CSMD2: variants seen among roughly 807,000 people sequenced by gnomAD.
CSMD2 encodes the protein CUB and sushi domain-containing protein 2.
A neutral mutation model predicts 398.5 loss-of-function variants in CSMD2; 130 were observed. The observed-to-expected ratio is 0.33, with a 90% CI of 0.28 to 0.38. The LOEUF is 0.38. Among genes scored for constraint, CSMD2 ranks in the 10% least tolerant of loss-of-function variants. The pLI, the probability that CSMD2 is intolerant of heterozygous loss-of-function variation, is 1.00. For synonymous variants in CSMD2, 1,828 were observed against 1,908.5 expected (o/e 0.96, Z 1.10); for missense variants, 3,829 against 4,764.9 (o/e 0.80, Z 5.78).
intron 44 of CSMD2, among the ~76,000 whole-genome samples, chr1:33,594,581 T>C (rs1039248120): frequency 6.6e-5 from 10 of 152,182 alleles, no homozygotes; most frequent in African/African-American, 2.4e-4. Flanking sequence ...ATCATTTCCA[T>C]TTGGTTCCTT....
At chr1:33,532,961 T>A in intron 64 of CSMD2, 89 bp downstream of exon 64, 2 of 1,236,638 alleles carry the variant, frequency 1.6e-6, no homozygotes, top group African/African-American at 1.5e-5. Flanking sequence ...ACGCAATTCC[T>A]TCCTTCTCTT....
intron 53 of CSMD2, among the ~76,000 whole-genome samples, chr1:33,563,737 G>A (rs1043232097): frequency 3.7e-4 from 56 of 152,188 alleles, no homozygotes; most frequent in African/African-American, 1.3e-3. Flanking sequence ...TGCTGAGAAC[G>A]TAGGTAGGGG....
At chr1:33,797,590 C>A (rs974054367) in intron 10 of CSMD2, among the ~76,000 whole-genome samples, 4 of 152,314 alleles carry the variant, frequency 2.6e-5, no homozygotes, top group East Asian at 1.9e-4. Context: ...GATGTTCCAA[C>A]AAGGTCACAG....
In CSMD2 at chr1:33,633,565, G is replaced by A; in HGVS notation, c.5087-30C>T. ...GGAGGAGACACAGTGTGGGGACTGGGCAGGCACGCTGGGGGCAGGAGAGGG... is the reference window on the plus strand; with the variant it reads ...GGAGGAGACACAGTGTGGGGACTGGACAGGCACGCTGGGGGCAGGAGAGGG... On this transcript the variant is annotated intron_variant, in intron 31 of 70. Coordinates refer to ENST00000373381, the MANE Select transcript of CSMD2 (RefSeq NM_001281956.2). This position sits in a 1 kb window ranked among gnomAD's most constrained non-coding sequence, Gnocchi z 5.0. The A allele has an allele frequency of 6.6e-7, 1 of 1,505,918 alleles. No individual in the cohort carries two copies. Among genetic ancestry groups the A allele is most frequent in the Non-Finnish European group, 9.0e-7 (1 of 1,105,462 alleles). 93.3% of individuals were successfully genotyped at this position (1,505,918 alleles called of 1,614,324 possible). A position where few individuals can be genotyped will look rare whatever the true frequency, so the allele number is the denominator to read the frequency against.
chr1:33,577,669 G>A (rs940242657), intron 48 of CSMD2, among the ~76,000 whole-genome samples, 185 bp from the exon 49 acceptor site: 3 of 151,936 alleles, frequency 2.0e-5, no homozygotes, highest in Non-Finnish European at 4.4e-5. Flanking sequence ...TGGTAAAGCC[G>A]AAACAAAACA....
intron 31 of CSMD2, among the ~76,000 whole-genome samples, chr1:33,634,583 C>T (rs1642681517): frequency 6.6e-6 from 1 of 152,218 alleles, no homozygotes; most frequent in African/African-American, 2.4e-5. Context: ...TCCTGAATGC[C>T]TCCAAGGCTG....
At chr1:33,634,858 G>A (rs1417661275) in intron 31 of CSMD2, among the ~76,000 whole-genome samples, 4 of 151,980 alleles carry the variant, frequency 2.6e-5, no homozygotes, top group African/African-American at 9.7e-5. Context: ...CTGCTCCTTG[G>A]CCACTCACCC....
intron 25 of CSMD2, among the ~76,000 whole-genome samples, chr1:33,678,916 C>T (rs542489823): frequency 5.7e-4 from 87 of 152,312 alleles, no homozygotes; most frequent in African/African-American, 2.0e-3. Context: ...TCACTGAAAA[C>T]GTTGCAGAAT....
At chr1:33,712,656 A>C (rs944590560) in intron 21 of CSMD2, among the ~76,000 whole-genome samples, 1 of 152,280 alleles carries the variant, frequency 6.6e-6, no homozygotes, top group Admixed American at 6.5e-5. Flanking sequence ...TCAATGAGGC[A>C]AGAGCTTAAG....
intron 1 of CSMD2, among the ~76,000 whole-genome samples, chr1:34,159,330 C>G (rs933583423): frequency 3.1e-4 from 18 of 57,626 alleles, no homozygotes; most frequent in South Asian, 1.3e-3. Flanking sequence ...TACAGCCTGC[C>G]CCCCCCCCAC....
chr1:33,571,215 T>C (rs1659564875), intron 51 of CSMD2, among the ~76,000 whole-genome samples: 1 of 152,172 alleles, frequency 6.6e-6, no homozygotes, highest in Non-Finnish European at 1.5e-5. Context: ...GGAACCAAAA[T>C]CTTTTATCTT....
At position 34,131,727 on chromosome 1, in the gene CSMD2, C is replaced by A. The variant is rs571415957; in HGVS notation, c.187+33184G>T. Among the ~76,000 whole-genome samples, 17 of 152,278 alleles carry A rather than the reference C, an allele frequency of 1.1e-4. No homozygotes were observed. In the South Asian group the frequency reaches 3.3e-3, roughly 30 times the overall value. On this transcript the variant is annotated intron_variant, in intron 1 of 70. Transcript: ENST00000373381. ...ACCAAGTTACTCATTCCTGATCAGG[C>A]ATAAAATTTCCTTCTTGTTTTCAAA...
At chr1:33,961,324 G>A (rs886263089) in intron 3 of CSMD2, among the ~76,000 whole-genome samples, 2 of 152,254 alleles carry the variant, frequency 1.3e-5, no homozygotes, top group Non-Finnish European at 2.9e-5. Flanking sequence ...GCCTGCCTCT[G>A]CCTCTAAAAT....
At chr1:33,915,202 T>C (rs777426121) in intron 5 of CSMD2, among the ~76,000 whole-genome samples, 9 of 152,218 alleles carry the variant, frequency 5.9e-5, no homozygotes, top group Non-Finnish European at 1.0e-4. Flanking sequence ...GTTGTTTTTC[T>C]ATGCCTTGGC....
At chr1:34,016,990 T>A (rs6694069) in intron 3 of CSMD2, among the ~76,000 whole-genome samples, 1,537 of 152,332 alleles carry the variant, frequency 0.01, 21 homozygotes, top group African/African-American at 0.035. Flanking sequence ...CGTGATCGTT[T>A]AACTGGCACT....
intron 12 of CSMD2, among the ~76,000 whole-genome samples, chr1:33,783,330 C>A (rs1484837303): frequency 6.6e-6 from 1 of 151,886 alleles, no homozygotes; most frequent in Non-Finnish European, 1.5e-5. Flanking sequence ...GAAGATGGGG[C>A]CTCTAAGGAA....
chr1:33,584,359 G>C (rs1014657240), intron 46 of CSMD2, among the ~76,000 whole-genome samples: 9 of 152,120 alleles, frequency 5.9e-5, no homozygotes. Flanking sequence ...GACCTTACAG[G>C]GCTGTTGTGA....
intron 19 of CSMD2, among the ~76,000 whole-genome samples, chr1:33,717,046 G>A (rs1216099589): frequency 2.0e-5 from 3 of 152,106 alleles, no homozygotes; most frequent in Non-Finnish European, 1.5e-5. Context: ...CAATTGACAT[G>A]GATCTTAAAA....
intron 1 of CSMD2, among the ~76,000 whole-genome samples, chr1:34,093,610 T>G (rs1392627317): frequency 6.6e-6 from 1 of 151,508 alleles, no homozygotes; most frequent in African/African-American, 2.4e-5. Context: ...ACATGAAGAA[T>G]GCAGAAGCCT....
Sources: gnomAD v4.1 joint callset for allele counts (sites outside exome capture counted in the v4.1 genomes callset) on GRCh38, gnomAD v4.1.1 for gene constraint, Gnocchi (gnomAD v3.1) non-coding constraint, MANE v1.5 for transcripts, NCBI Gene and HGNC (gene_info 2026-07-23, HGNC 2026-07-21) for gene names.